The following ACOT1 variants were observed in gnomAD, a reference collection of about 807,000 sequenced individuals.
ACOT1 encodes the protein acyl-coenzyme A thioesterase 1.
Under a neutral mutation model 15.7 loss-of-function variants are expected in ACOT1, and 8 were observed. The observed-to-expected ratio is 0.51, with a 90% confidence interval of 0.30 to 0.92. The LOEUF (loss-of-function observed/expected upper bound fraction) is 0.92. Among genes scored for constraint, ACOT1 ranks in the 40% least tolerant of loss-of-function variants. ACOT1 has a pLI of 0.06. For missense variants in ACOT1, 151 were observed against 539.4 expected, an observed-to-expected ratio of 0.28 and a Z score of 7.13; for synonymous variants, 67 against 241.2, an observed-to-expected ratio of 0.28 and a Z score of 6.69.
At chr14:73,536,246 T>C (rs1339972722), upstream of ACOT1, among the ~76,000 whole-genome samples, 2 of 109,610 alleles carry the variant, frequency 1.8e-5, 1 homozygote, top group African/African-American at 6.0e-5. Context: ...ATTACCAAGA[T>C]AGGAAATTAT....
chr14:73,495,734 G>T, the ACOT1 span, among the ~76,000 whole-genome samples: 1 of 152,206 alleles, frequency 6.6e-6, no homozygotes, highest in African/African-American at 2.4e-5. Flanking sequence ...TGATGAACCT[G>T]CTAAGAATTG....
At chr14:73,506,475 CA>C in the ACOT1 span, 1 of 1,613,034 alleles carries the variant, frequency 6.2e-7, no homozygotes, top group Non-Finnish European at 8.5e-7. Context: ...ACCAAGCAGA[CA>C]TTTCCACTGA....
Position 73,537,627 on chromosome 14 carries a change from G to T in ACOT1, c.206G>T (p.Gly69Val). 2 of 1,222,592 alleles carry T rather than the reference G, an allele frequency of 1.6e-6. 1 individual carries two copies. Among genetic ancestry groups the T allele is most frequent in the Non-Finnish European group, 2.2e-6 (2 of 929,956 alleles). 75.7% of individuals were successfully genotyped at this position (1,222,592 alleles called of 1,614,324 possible). Residue 69 changes from glycine (G) to valine (V), a missense_variant, in exon 1 of 3, where the codon GGC (glycine) becomes GTC (valine). By Grantham distance (109) the Gly-to-Val change is moderately radical. Coordinates refer to ENST00000311148, the MANE Select transcript of ACOT1 (RefSeq NM_001037161.2). ...ELDLERAPAL[G>V]GSFAGLEPMG... Reference sequence around the variant, plus strand: ...GACCTGGAGCGCGCGCCCGCGCTGGGCGGCAGCTTCGCGGGGCTTGAGCCC... The same window carrying T: ...GACCTGGAGCGCGCGCCCGCGCTGGTCGGCAGCTTCGCGGGGCTTGAGCCC...
chr14:73,491,875 G>C, the ACOT1 span: 6 of 1,611,358 alleles, frequency 3.7e-6, no homozygotes, highest in Non-Finnish European at 4.2e-6. Flanking sequence ...CCGCCGCCGC[G>C]TGGTCCCTGT....
At chr14:73,522,757 G>A in the ACOT1 span, 3 of 1,614,220 alleles carry the variant, frequency 1.9e-6, no homozygotes, top group Non-Finnish European at 2.5e-6. Flanking sequence ...CAGCCAGGGA[G>A]GTGTCTCCTG....
At chr14:73,522,992 T>C in the ACOT1 span, 6 of 1,614,228 alleles carry the variant, frequency 3.7e-6, no homozygotes, top group Non-Finnish European at 5.1e-6. Flanking sequence ...TAGACGGTAC[T>C]GTGAGCTGAA....
intron 1 of ACOT1, chr14:73,539,181 T>A (rs1311802959): frequency 2.6e-5 from 3 of 114,210 alleles, no homozygotes; most frequent in Non-Finnish European, 5.7e-5. Flanking sequence ...CGCCCACCAT[T>A]GCTCCAGCTG....
At chr14:73,509,332 A>G in the ACOT1 span, 6 of 1,614,154 alleles carry the variant, frequency 3.7e-6, no homozygotes, top group Non-Finnish European at 5.1e-6. Flanking sequence ...GGCAGTCTGC[A>G]TGATGTTCCG....
the ACOT1 span, among the ~76,000 whole-genome samples, chr14:73,511,365 A>C: frequency 2.0e-5 from 3 of 151,648 alleles, no homozygotes; most frequent in Admixed American, 2.0e-4. Context: ...ATACAAAAAA[A>C]TGAGCTGGGC....
chr14:73,517,185 G>C, the ACOT1 span: 1 of 152,220 alleles, frequency 6.6e-6, no homozygotes, highest in South Asian at 2.1e-4. Context: ...TCAGCCTCGC[G>C]AGTGGCTGGG....
the ACOT1 span, chr14:73,491,587 C>G: frequency 1.4e-5 from 21 of 1,544,864 alleles, no homozygotes; most frequent in South Asian, 8.4e-5. Context: ...GCGTCTTGGC[C>G]GAGCTGAACC....
At chr14:73,520,914 G>A in the ACOT1 span, 1 of 1,614,108 alleles carries the variant, frequency 6.2e-7, no homozygotes, top group South Asian at 1.1e-5. Context: ...AGCTCGGGGA[G>A]TCACCTGGCG....
the ACOT1 span, chr14:73,498,978 T>C: frequency 2.9e-6 from 3 of 1,047,786 alleles, no homozygotes; most frequent in African/African-American, 1.6e-5. Flanking sequence ...TCTCCTGCAC[T>C]TCACCCCATT....
chr14:73,495,678 A>AT, the ACOT1 span, among the ~76,000 whole-genome samples: 147 of 152,200 alleles, frequency 9.7e-4, no homozygotes, highest in African/African-American at 3.4e-3. Context: ...TTGGTTGGAG[A>AT]TTTTTTATAC....
At chr14:73,529,714 G>A in the ACOT1 span, among the ~76,000 whole-genome samples, 8 of 152,182 alleles carry the variant, frequency 5.3e-5, no homozygotes, top group Admixed American at 5.2e-4. Context: ...CTGTACAAGT[G>A]GTCAAAGTAG....
the ACOT1 span, among the ~76,000 whole-genome samples, chr14:73,519,478 G>A: frequency 6.6e-6 from 1 of 152,168 alleles, no homozygotes; most frequent in Non-Finnish European, 1.5e-5. Flanking sequence ...GGGTGTGGTG[G>A]CTCACACCTG....
upstream of ACOT1, among the ~76,000 whole-genome samples, chr14:73,535,491 T>C (rs1426486244): frequency 6.3e-4 from 24 of 38,372 alleles, 6 homozygotes; most frequent in Non-Finnish European, 8.0e-4. Flanking sequence ...TTTTTTTTTT[T>C]TTTTTTTTTT....
chr14:73,511,845 G>A, the ACOT1 span, among the ~76,000 whole-genome samples: 8 of 152,194 alleles, frequency 5.3e-5, no homozygotes, highest in African/African-American at 1.7e-4. Flanking sequence ...TTTTAATCTC[G>A]TCTCTATTGC....
chr14:73,507,865 C>T, the ACOT1 span, among the ~76,000 whole-genome samples: 1 of 152,200 alleles, frequency 6.6e-6, no homozygotes, highest in Non-Finnish European at 1.5e-5. Context: ...GCCTCAGCCT[C>T]CCGAGTAGCT....
Sources: allele counts gnomAD v4.1 joint callset (sites outside exome capture counted in the v4.1 genomes callset), GRCh38; gene constraint gnomAD v4.1.1; transcripts MANE v1.5; gene names NCBI Gene and HGNC (gene_info 2026-07-23, HGNC 2026-07-21).